The following IRF2 variants were observed in gnomAD, a reference collection of about 807,000 sequenced individuals.
IRF2 encodes interferon regulatory factor 2.
A neutral mutation model predicts 40.6 loss-of-function variants in IRF2; 15 were observed. That is an observed-to-expected ratio of 0.37 (90% CI 0.25 to 0.57). The LOEUF is 0.57. Among genes scored for constraint, IRF2 ranks in the 20% least tolerant of loss-of-function variants. IRF2 has a pLI of 0.77. For synonymous variants in IRF2, 151 were observed against 165.5 expected (o/e 0.91, Z 0.67); for missense variants, 317 against 455.7 (o/e 0.70, Z 2.77).
chr4:184,416,938 C>T (rs1413581941), intron 5 of IRF2, among the ~76,000 whole-genome samples: 2 of 151,918 alleles, frequency 1.3e-5, no homozygotes, highest in South Asian at 2.1e-4. Context: ...CTCAGCTACT[C>T]GGGAGGTTGA....
At chr4:184,390,200 G>A (rs910995258) in intron 8 of IRF2, among the ~76,000 whole-genome samples, 3 of 152,092 alleles carry the variant, frequency 2.0e-5, no homozygotes, top group Admixed American at 6.5e-5. Flanking sequence ...CATTGTGCAC[G>A]CCCCATCTAT....
intron 1 of IRF2, among the ~76,000 whole-genome samples, chr4:184,430,445 G>A (rs774057659): frequency 6.6e-5 from 10 of 151,896 alleles, no homozygotes; most frequent in South Asian, 2.1e-4. Context: ...GTCCTTATCC[G>A]CCCTCTAAGA....
chr4:184,425,110 G>T (rs996325529), intron 2 of IRF2, among the ~76,000 whole-genome samples: 1 of 152,172 alleles, frequency 6.6e-6, no homozygotes. Flanking sequence ...CCTGAATGCC[G>T]ACTGAAGCAG....
At chr4:184,455,143 C>T (rs940370444) in intron 1 of IRF2, among the ~76,000 whole-genome samples, 8 of 152,090 alleles carry the variant, frequency 5.3e-5, no homozygotes, top group African/African-American at 1.9e-4. Flanking sequence ...TCCTGGCCAC[C>T]ATAATTCATC....
intron 5 of IRF2, among the ~76,000 whole-genome samples, chr4:184,412,003 A>G (rs933455895): frequency 1.6e-5 from 2 of 122,552 alleles, no homozygotes; most frequent in African/African-American, 6.4e-5. Context: ...TGCTCCAAAG[A>G]TTAAAAAAAA....
chr4:184,454,604 G>A (rs1189023664), intron 1 of IRF2, among the ~76,000 whole-genome samples: 1 of 152,168 alleles, frequency 6.6e-6, no homozygotes, highest in African/African-American at 2.4e-5. Context: ...GTCGGATCTG[G>A]CATCCATTGG....
rs551656688 is a variant in IRF2 at position 184,395,761 on chromosome 4, AG to A, written c.694+3153del. Among the ~76,000 whole-genome samples, 15 of 152,384 alleles carry A rather than the reference AG, an allele frequency of 9.8e-5. No individual in the cohort carries two copies. In the East Asian group the frequency reaches 2.7e-3, roughly 27 times the overall value. On this transcript the variant is annotated intron_variant, in intron 7 of 8. Coordinates refer to ENST00000393593, the MANE Select transcript of IRF2 (RefSeq NM_002199.4). ...AAAACAACGGAAAGAACCAAAGGCC[AG>A]GCTGAAAAGCCAGGCTCCAGCAAAA...
In IRF2 at chr4:184,465,517, C is replaced by T. The variant is rs183200561; in HGVS notation, c.-7+8862G>A. On this transcript the variant is annotated intron_variant, in intron 1 of 8. Coordinates refer to ENST00000393593, the MANE Select transcript of IRF2 (RefSeq NM_002199.4). ...AAAAAAAGCCAAACACCCACAATTT[C>T]ACCATCAAAAAGATATGTTTTCTTC... is the stretch of plus-strand genomic sequence containing the variant. Among the ~76,000 whole-genome samples the T allele has an allele frequency of 8.7e-3, 1,328 of 152,016 alleles. 10 individuals carry two copies. The highest frequency in any genetic ancestry group is 0.013 in the Non-Finnish European group (910 of 67,964).
At chr4:184,457,394 G>C (rs902163811) in intron 1 of IRF2, among the ~76,000 whole-genome samples, 1 of 152,178 alleles carries the variant, frequency 6.6e-6, no homozygotes, top group Non-Finnish European at 1.5e-5. Context: ...GGACACTCTG[G>C]GCGGATAGGA....
intron 7 of IRF2, among the ~76,000 whole-genome samples, chr4:184,398,655 CAAA>C (rs755314172): frequency 6.8e-6 from 1 of 146,918 alleles, no homozygotes; most frequent in Admixed American, 6.8e-5. Context: ...GACTCTGTCT[CAAA>C]AAAAAAAAAA....
At chr4:184,390,814 C>A in intron 7 of IRF2, 65 bp from the exon 8 acceptor site, 1 of 1,573,448 alleles carries the variant, frequency 6.4e-7, no homozygotes, top group Non-Finnish European at 8.7e-7. Flanking sequence ...CAGGCTCAGG[C>A]AGTGTTTATA....
chr4:184,414,485 C>G (rs1240305396), intron 5 of IRF2, among the ~76,000 whole-genome samples: 5 of 152,212 alleles, frequency 3.3e-5, no homozygotes, highest in Non-Finnish European at 5.9e-5. Flanking sequence ...CTGGGACAGG[C>G]ATGTACCACT....
intron 5 of IRF2, among the ~76,000 whole-genome samples, chr4:184,416,756 T>G (rs950155136): frequency 1.6e-4 from 24 of 152,128 alleles, no homozygotes; most frequent in Admixed American, 2.6e-4. Flanking sequence ...TATAAAAAAT[T>G]GTTTTGGGGC....
intron 1 of IRF2, among the ~76,000 whole-genome samples, chr4:184,439,173 C>A (rs746440378): frequency 3.8e-4 from 58 of 152,180 alleles, no homozygotes; most frequent in Non-Finnish European, 4.7e-4. Flanking sequence ...ACCACCAATT[C>A]TCCTACTACG....
chr4:184,415,872 G>A (rs538641464), intron 5 of IRF2, among the ~76,000 whole-genome samples: 2 of 152,298 alleles, frequency 1.3e-5, no homozygotes, highest in South Asian at 4.1e-4. Context: ...ATACGTATTA[G>A]TGATCTGTTC....
intron 2 of IRF2, among the ~76,000 whole-genome samples, chr4:184,428,055 A>C (rs956553426): frequency 2.0e-5 from 3 of 152,214 alleles, no homozygotes; most frequent in African/African-American, 7.2e-5. Context: ...TGCCGACATT[A>C]TCTCTTTCTG....
rs115616604 is a variant in IRF2, at chr4:184,402,332, T to C, written c.530-3253A>G. 9.7e-3 allele frequency among the ~76,000 whole-genome samples: 1,477 copies of C among 152,272 alleles called. 12 individuals are homozygous for C. The highest frequency in any genetic ancestry group is 0.027 in the Middle Eastern group (8 of 294). ...CAGCATTCACCATGCCCCTGACTTC[T>C]GGAGCCCCTTCCTGACCCGCCAGCA... On this transcript the variant is annotated intron_variant, in intron 6 of 8. Transcript: ENST00000393593.
intron 1 of IRF2, among the ~76,000 whole-genome samples, chr4:184,435,500 C>A (rs1457042489): frequency 1.3e-5 from 2 of 152,110 alleles, no homozygotes; most frequent in African/African-American, 4.8e-5. Flanking sequence ...AACTAAGAAA[C>A]ATGGACAAAA....
At chr4:184,418,055 C>G in intron 5 of IRF2, 112 bp downstream of exon 5, 1 of 814,628 alleles carries the variant, frequency 1.2e-6, no homozygotes, top group Non-Finnish European at 2.1e-6. Context: ...AAGACACAAG[C>G]AAAGGAAGAA....
Sources: allele counts gnomAD v4.1 joint callset (sites outside exome capture counted in the v4.1 genomes callset), GRCh38; gene constraint gnomAD v4.1.1; transcripts MANE v1.5; gene names NCBI Gene and HGNC (gene_info 2026-07-23, HGNC 2026-07-21).